The following TP63 variants were observed in gnomAD, a reference collection of about 807,000 sequenced individuals.
TP63 encodes the protein tumor protein 63.
Under a neutral mutation model 82.8 loss-of-function variants are expected in TP63, and 17 were observed. The ratio of observed to expected loss-of-function variants is 0.21; its 90% CI spans 0.14 to 0.31. TP63 has a LOEUF of 0.31. Among genes scored for constraint, TP63 ranks in the 10% least tolerant of loss-of-function variants. The pLI is 1.00. For missense variants in TP63, 648 were observed against 895.3 expected, an observed-to-expected ratio of 0.72 and a Z score of 3.52; for synonymous variants, 330 against 321.7, an observed-to-expected ratio of 1.03 and a Z score of -0.28.
At chr3:189,661,520 T>C (rs748128320) in intron 1 of TP63, among the ~76,000 whole-genome samples, 14 of 152,104 alleles carry the variant, frequency 9.2e-5, no homozygotes, top group Non-Finnish European at 1.3e-4. Context: ...TCAGAGATAT[T>C]AGCCTTTAGT....
chr3:189,756,173 T>C (rs1445402135), intron 3 of TP63, among the ~76,000 whole-genome samples: 2 of 152,230 alleles, frequency 1.3e-5, no homozygotes, highest in African/African-American at 2.4e-5. Context: ...CTTTGGCTTC[T>C]ACTATTAAAA....
At chr3:189,866,556 G>A in intron 5 of TP63, 126 bp from the exon 6 acceptor site, 1 of 829,826 alleles carries the variant, frequency 1.2e-6, no homozygotes, top group Non-Finnish European at 2.0e-6. Context: ...TTTCTTCAAG[G>A]ATGCACATTT....
At chr3:189,840,738 A>G (rs899487640) in intron 4 of TP63, among the ~76,000 whole-genome samples, 3 of 151,536 alleles carry the variant, frequency 2.0e-5, no homozygotes, top group Non-Finnish European at 4.4e-5. Flanking sequence ...GGCACCTGTA[A>G]TCCCAGCTAC....
At chr3:189,831,018 A>AT (rs1326337188) in intron 4 of TP63, among the ~76,000 whole-genome samples, 2 of 152,194 alleles carry the variant, frequency 1.3e-5, no homozygotes, top group Non-Finnish European at 2.9e-5. Context: ...CTTTTGCTGG[A>AT]TGAGATGGGC....
intron 3 of TP63, among the ~76,000 whole-genome samples, chr3:189,776,967 A>G (rs1260895612): frequency 6.6e-6 from 1 of 152,234 alleles, no homozygotes; most frequent in Non-Finnish European, 1.5e-5. Flanking sequence ...AGGAATTGAA[A>G]TATCAAGTCA....
At chr3:189,736,196 T>C (rs997494302) in intron 1 of TP63, among the ~76,000 whole-genome samples, 1 of 150,242 alleles carries the variant, frequency 6.7e-6, no homozygotes, top group South Asian at 2.1e-4. Flanking sequence ...TATGTAAATA[T>C]ACACACACAC....
the TP63 span, among the ~76,000 whole-genome samples, chr3:189,614,250 C>G: frequency 2.0e-5 from 3 of 152,146 alleles, no homozygotes; most frequent in African/African-American, 4.8e-5. Flanking sequence ...GTGCTATTCT[C>G]TTGATAGTGA....
intron 1 of TP63, among the ~76,000 whole-genome samples, chr3:189,685,181 T>C (rs1201165722): frequency 6.6e-6 from 1 of 152,102 alleles, no homozygotes; most frequent in African/African-American, 2.4e-5. Context: ...ATACCAAAAG[T>C]ACTTCAAAAA....
chr3:189,856,024 G>A lies in TP63; in HGVS notation c.580-8208G>A, dbSNP rs559090310. ...AGAGCTGCTGGAAATTTAATACAAT[G>A]GGCTGGCATAATCAAAAAAGTTCTT... is the stretch of plus-strand genomic sequence containing the variant. On this transcript the variant is annotated intron_variant, in intron 4 of 13. Coordinates refer to ENST00000264731, the MANE Select transcript of TP63 (RefSeq NM_003722.5). Among the ~76,000 whole-genome samples the A allele has an allele frequency of 3.3e-5, 5 of 151,734 alleles. No individual in the cohort carries two copies. The East Asian group carries it at 9.7e-4, about 29-fold the overall frequency.
intron 1 of TP63, among the ~76,000 whole-genome samples, chr3:189,679,976 A>G (rs1237910681): frequency 1.3e-5 from 2 of 152,144 alleles, no homozygotes; most frequent in Non-Finnish European, 2.9e-5. Flanking sequence ...TTTGGTATAC[A>G]TGTTAGTTTT....
At chr3:189,855,712 GTGTATGTATGTA>G (rs958427874) in intron 4 of TP63, among the ~76,000 whole-genome samples, 21 of 151,788 alleles carry the variant, frequency 1.4e-4, no homozygotes, top group African/African-American at 3.9e-4. Flanking sequence ...GTGTGTGTGT[GTGTATGTATGTA>G]TGTGTGTGTG....
chr3:189,716,956 AC>A (rs1291988407), intron 1 of TP63, among the ~76,000 whole-genome samples: 1 of 152,000 alleles, frequency 6.6e-6, no homozygotes, highest in African/African-American at 2.4e-5. Context: ...TTGCCACCGC[AC>A]CCAGCTAATT....
chr3:189,711,512 G>T (rs6804480), intron 1 of TP63, among the ~76,000 whole-genome samples: 65,812 of 151,930 alleles, frequency 0.43, 14,394 homozygotes, highest in South Asian at 0.51. Context: ...GAAAAAAATA[G>T]AAATTTTACC....
chr3:189,771,862 A>G lies in TP63; in HGVS notation c.324+33088A>G, dbSNP rs1220459325. 3.3e-5 allele frequency among the ~76,000 whole-genome samples: 5 copies of G among 152,160 alleles called. No homozygotes were observed. The East Asian group carries it at 9.6e-4, about 29-fold the overall frequency. ...TCTTAAAATATGTTGAAAGTTTCCT[A>G]TGCATATGACCCTGTTTAATATTTG... On this transcript the variant is annotated intron_variant, in intron 3 of 13. Transcript: ENST00000264731.
chr3:189,694,894 C>T (rs1489418906), intron 1 of TP63, among the ~76,000 whole-genome samples: 2 of 130,076 alleles, frequency 1.5e-5, no homozygotes, highest in Non-Finnish European at 3.1e-5. Context: ...CAACCTCCAA[C>T]TCCTGGTTTC....
chr3:189,628,679 G>A (rs966909734), upstream of TP63, among the ~76,000 whole-genome samples: 7 of 152,044 alleles, frequency 4.6e-5, no homozygotes, highest in African/African-American at 1.7e-4. Flanking sequence ...CTAAAGTCTT[G>A]GAAAAGTTTC....
intron 3 of TP63, among the ~76,000 whole-genome samples, chr3:189,802,832 GT>G (rs1726461407): frequency 6.6e-6 from 1 of 152,138 alleles, no homozygotes; most frequent in African/African-American, 2.4e-5. Context: ...CAAAGGTCTG[GT>G]TGAATCGAGA....
chr3:189,618,267 T>C, the TP63 span, among the ~76,000 whole-genome samples: 1 of 152,318 alleles, frequency 6.6e-6, no homozygotes. Context: ...ACCTCTTCAG[T>C]CAACAAATTC....
At chr3:189,671,714 A>G (rs1192843440) in intron 1 of TP63, among the ~76,000 whole-genome samples, 2 of 152,162 alleles carry the variant, frequency 1.3e-5, no homozygotes, top group African/African-American at 4.8e-5. Flanking sequence ...GCAATAAAAA[A>G]GAATGAAATA....
Sources: allele counts gnomAD v4.1 joint callset (sites outside exome capture counted in the v4.1 genomes callset), GRCh38; gene constraint gnomAD v4.1.1; transcripts MANE v1.5; gene names NCBI Gene and HGNC (gene_info 2026-07-23, HGNC 2026-07-21).